The following KRT86 variants were observed in gnomAD, a reference collection of about 807,000 sequenced individuals.
KRT86 encodes the protein keratin 86, also known as keratin, type II cuticular Hb6.
KRT86 carries 30 observed loss-of-function variants against 41.2 expected under a neutral mutation model. The ratio of observed to expected loss-of-function variants is 0.73; its 90% CI spans 0.54 to 0.99. The LOEUF is 0.99. Among genes scored for constraint, KRT86 ranks in the 50% least tolerant of loss-of-function variants. The pLI is 0.00. For missense variants in KRT86, 561 were observed against 571.4 expected (o/e 0.98, Z 0.19); for synonymous variants, 238 against 238.1 (o/e 1.00, Z 0.00).
In KRT86 at chr12:52,308,863, T is replaced by TTG; in HGVS notation, c.*279_*280dup. ...TTCTTCCGCCTGCCTTCTGTTTTTT[T>TTG]TGCTGTATACATTGGTCTTGCCTGA... On this transcript the variant is annotated 3_prime_UTR_variant, in exon 11 of 11. Transcript: ENST00000423955. The TTG allele has an allele frequency of 2.0e-6, 1 of 494,054 alleles. No individual in the cohort carries two copies. The allele number at this position is 494,054 out of a possible 1,614,324, so 30.6% of individuals were successfully genotyped here.
intron 2 of KRT86, among the ~76,000 whole-genome samples, chr12:52,279,857 ATACT>A (rs1277202867): frequency 6.6e-6 from 1 of 152,122 alleles, no homozygotes; most frequent in Non-Finnish European, 1.5e-5. Flanking sequence ...CACTCTACAC[ATACT>A]TACTGAATGG....
intron 2 of KRT86, among the ~76,000 whole-genome samples, chr12:52,285,496 C>T (rs1334201518): frequency 6.6e-6 from 1 of 152,198 alleles, no homozygotes; most frequent in Non-Finnish European, 1.5e-5. Flanking sequence ...GGTGATGTTG[C>T]CTCAAGCTTT....
At chr12:52,278,196 C>T (rs561162346) in intron 2 of KRT86, among the ~76,000 whole-genome samples, 1 of 152,306 alleles carries the variant, frequency 6.6e-6, no homozygotes, top group South Asian at 2.1e-4. Flanking sequence ...AACTGATCAC[C>T]CATGCCACAG....
chr12:52,286,727 C>G (rs1937953359), intron 2 of KRT86: 3 of 1,544,134 alleles, frequency 1.9e-6, no homozygotes. Context: ...ACTCCTTTTT[C>G]CAAACTCTGC....
chr12:52,280,203 C>T (rs1477751475), intron 2 of KRT86, among the ~76,000 whole-genome samples: 1 of 152,132 alleles, frequency 6.6e-6, no homozygotes, highest in Non-Finnish European at 1.5e-5. Context: ...AAATTGTGGG[C>T]TGTGAAATCA....
At chr12:52,284,190 T>G (rs552405643) in intron 2 of KRT86, among the ~76,000 whole-genome samples, 43 of 152,196 alleles carry the variant, frequency 2.8e-4, no homozygotes, top group African/African-American at 9.2e-4. Flanking sequence ...TGCTGCTGCT[T>G]CTTGTTTTTT....
At chr12:52,297,699 C>T (rs925792398) in intron 2 of KRT86, among the ~76,000 whole-genome samples, 2 of 152,216 alleles carry the variant, frequency 1.3e-5, no homozygotes, top group Non-Finnish European at 2.9e-5. Flanking sequence ...AAAATGGTGG[C>T]CACTGCAGAA....
Position 52,305,785 on chromosome 12 carries a change from C to T in KRT86, c.1023C>T (p.Cys341=), listed in dbSNP as rs747486507. ...RLTAEVENAK[C]QNSKLEAAVA... is the part of the protein sequence containing the mutation. Reference sequence around the variant, plus strand: ...CGGCTGAGGTGGAGAATGCCAAGTGCCAGGTATGGGGCATCTGTGCCCAAG... The same window carrying T: ...CGGCTGAGGTGGAGAATGCCAAGTGTCAGGTATGGGGCATCTGTGCCCAAG... Residue 341 remains cysteine, a synonymous_variant, in exon 8 of 11, where the codon TGC becomes TGT. Coordinates refer to ENST00000423955, the MANE Select transcript of KRT86 (RefSeq NM_001320198.2). 1.2e-6 allele frequency: 2 copies of T among 1,613,994 alleles called. No individual in the cohort carries two copies. The highest frequency in any genetic ancestry group is 1.7e-6 in the Non-Finnish European group (2 of 1,179,870).
intron 2 of KRT86, chr12:52,286,869 G>A (rs998393339): frequency 9.3e-6 from 15 of 1,608,172 alleles, no homozygotes; most frequent in Non-Finnish European, 1.2e-5. Context: ...GCCCCAGAGT[G>A]GCTGAAAAAG....
At chr12:52,285,371 A>C (rs1462082859) in intron 2 of KRT86, among the ~76,000 whole-genome samples, 1 of 152,218 alleles carries the variant, frequency 6.6e-6, no homozygotes, top group Non-Finnish European at 1.5e-5. Context: ...TTAAAAAAAA[A>C]AAAAAGAAAG....
chr12:52,298,515 GCAA>G (rs537910704), intron 2 of KRT86, among the ~76,000 whole-genome samples: 2 of 152,306 alleles, frequency 1.3e-5, no homozygotes, highest in South Asian at 2.1e-4. Context: ...AGCATCAGCA[GCAA>G]CAACAACAAC....
At chr12:52,292,629 C>T (rs1228805493) in intron 2 of KRT86, among the ~76,000 whole-genome samples, 1 of 152,106 alleles carries the variant, frequency 6.6e-6, no homozygotes, top group Non-Finnish European at 1.5e-5. Context: ...TAGTGCCTAC[C>T]TTATTAGACA....
intron 2 of KRT86, chr12:52,286,208 G>T: frequency 6.7e-7 from 1 of 1,494,108 alleles, no homozygotes. Flanking sequence ...GGCCAAGCAA[G>T]GCAGGGCAGG....
At chr12:52,294,758 T>G (rs890239049) in intron 2 of KRT86, among the ~76,000 whole-genome samples, 3 of 152,228 alleles carry the variant, frequency 2.0e-5, no homozygotes, top group African/African-American at 7.2e-5. Context: ...CTAGGGTGAC[T>G]CCTCTCTTGC....
intron 2 of KRT86, among the ~76,000 whole-genome samples, chr12:52,283,104 T>G (rs1049344887): frequency 1.3e-5 from 2 of 152,136 alleles, no homozygotes; most frequent in Admixed American, 1.3e-4. Flanking sequence ...TCCCAAAGAA[T>G]AACAGAGTTG....
At chr12:52,275,407 T>C (rs939391635) in intron 1 of KRT86, among the ~76,000 whole-genome samples, 1 of 151,844 alleles carries the variant, frequency 6.6e-6, no homozygotes, top group East Asian at 1.9e-4. Flanking sequence ...AAATGTGTTT[T>C]TTAAATTAGG....
At chr12:52,288,783 T>A (rs1938051680) in intron 2 of KRT86, among the ~76,000 whole-genome samples, 1 of 152,080 alleles carries the variant, frequency 6.6e-6, no homozygotes, top group African/African-American at 2.4e-5. Context: ...CCCCCACAAG[T>A]GCTCCAAGAG....
In KRT86 at chr12:52,308,684, C is replaced by T. The variant is rs1938576054; in HGVS notation, c.*99C>T. ...CCGCCCGCGCCGGCCTCCCAATAGCCGCCGCCCGCTGCCTGCACTCTAAGC... is the reference window on the plus strand; with the variant it reads ...CCGCCCGCGCCGGCCTCCCAATAGCTGCCGCCCGCTGCCTGCACTCTAAGC... On this transcript the variant is annotated 3_prime_UTR_variant, in exon 11 of 11. Transcript: ENST00000423955. 3 of 1,171,054 alleles carry T rather than the reference C, an allele frequency of 2.6e-6. No individual in the cohort carries two copies. Among genetic ancestry groups the T allele is most frequent in the South Asian group, 2.7e-5 (2 of 75,242 alleles). 72.5% of individuals were successfully genotyped at this position (1,171,054 alleles called of 1,614,324 possible).
chr12:52,293,729 G>A (rs893921022), intron 2 of KRT86, among the ~76,000 whole-genome samples: 15 of 152,150 alleles, frequency 9.9e-5, no homozygotes, highest in African/African-American at 3.6e-4. Flanking sequence ...ACTGTACTAT[G>A]TTCTACTTAC....
Sources: gnomAD v4.1 joint callset for allele counts (sites outside exome capture counted in the v4.1 genomes callset) on GRCh38, gnomAD v4.1.1 for gene constraint, MANE v1.5 for transcripts, NCBI Gene and HGNC (gene_info 2026-07-23, HGNC 2026-07-21) for gene names.